Variants in PRICKLE4 observed in about 807,000 individuals in gnomAD.
PRICKLE4 encodes the protein prickle-like protein 4.
Under a neutral mutation model 43.5 loss-of-function variants are expected in PRICKLE4, and 40 were observed. The observed-to-expected ratio is 0.92, with a 90% CI of 0.71 to 1.20. PRICKLE4 has a LOEUF of 1.20. Ranked by LOEUF, PRICKLE4 falls within the 50% of genes most tolerant of loss-of-function variation. The probability of loss-of-function intolerance (pLI) is 0.00; values close to 1 mark genes in which losing one functional copy is unlikely to be tolerated. For missense variants in PRICKLE4, 527 were observed against 491.2 expected (o/e 1.07, Z -0.69); for synonymous variants, 208 against 197.4 (o/e 1.05, Z -0.45).
Position 41,783,617 on chromosome 6 carries a change from G to A in PRICKLE4, c.132+12G>A, listed in dbSNP as rs367616410. 22 of 1,612,974 alleles carry A rather than the reference G, an allele frequency of 1.4e-5. No individual in the cohort carries two copies. The highest frequency in any genetic ancestry group is 8.3e-5 in the Admixed American group (5 of 59,934). On this transcript the variant is annotated intron_variant, in intron 3 of 7. Coordinates refer to ENST00000458694, the MANE Select transcript of PRICKLE4 (RefSeq NM_013397.6). ...ATACCCATGCTCAGGTAGTAGAGTC[G>A]TGCCCTTCCTCTGAGACCAACATGT...
chr6:41,783,443 T>G lies in PRICKLE4; in HGVS notation c.-12-19T>G. On this transcript the variant is annotated intron_variant, in intron 2 of 7. Transcript: ENST00000458694. ...GTAACGGCCTAATACATGGAGGTGT[T>G]CTTATTGTTTTGGGGTAGGCTTTGC... The G allele has an allele frequency of 6.8e-7, 1 of 1,464,380 alleles. No homozygotes were observed. Among genetic ancestry groups the G allele is most frequent in the Non-Finnish European group, 9.4e-7 (1 of 1,068,522 alleles). 90.7% of individuals were successfully genotyped at this position (1,464,380 alleles called of 1,614,324 possible). A position where few individuals can be genotyped will look rare whatever the true frequency, so the allele number is the denominator to read the frequency against.
chr6:41,783,975 C>T (rs1342549), intron 3 of PRICKLE4, 156 bp from the exon 4 acceptor site: 15,707 of 677,112 alleles, frequency 0.023, 343 homozygotes, highest in East Asian at 0.081. Context: ...GCTATCCTTG[C>T]ACTCAGTGAG....
chr6:41,782,383 C>T (rs1303091795), intron 2 of PRICKLE4, among the ~76,000 whole-genome samples: 11 of 70,416 alleles, frequency 1.6e-4, no homozygotes, highest in Admixed American at 2.0e-4. Flanking sequence ...ATGGTCACTT[C>T]TTCTTTTTTT....
chr6:41,786,705 G>T (rs1429490170), intron 7 of PRICKLE4, 57 bp from the exon 8 acceptor site: 1 of 1,609,834 alleles, frequency 6.2e-7, no homozygotes, highest in Middle Eastern at 1.7e-4. Context: ...CACTAGCTGC[G>T]GTGTAGGTCC....
chr6:41,786,339 G>T lies in PRICKLE4; in HGVS notation c.787+7G>T, dbSNP rs567152545. The T allele has an allele frequency of 5.1e-6, 8 of 1,554,972 alleles. No homozygotes were observed. On this transcript the variant is annotated splice_region_variant and intron_variant, in intron 7 of 7. Transcript: ENST00000458694. The stretch of plus-strand genomic sequence containing the variant: ...GAAGGGCAGGCATTCCTTGGTAAGG[G>T]AGAGGATGCAGAGCAAAGCGGGAGG...
chr6:41,785,252 A>T, intron 5 of PRICKLE4, 85 bp from the exon 6 acceptor site: 1 of 1,526,208 alleles, frequency 6.6e-7, no homozygotes, highest in East Asian at 2.3e-5. Context: ...TGGCGAGAAC[A>T]GGTTGGGATC....
rs34342271 is a variant in PRICKLE4 at position 41,785,367 on chromosome 6, G to A, written c.409G>A (p.Gly137Arg). 16 of 1,613,920 alleles carry A rather than the reference G, an allele frequency of 9.9e-6. No homozygotes were observed. Among genetic ancestry groups the A allele is most frequent in the African/African-American group, 1.3e-5 (1 of 74,894 alleles). The stretch of plus-strand genomic sequence containing the variant: ...GGAGCTGCTGAAGCCAGGGGAGTAC[G>A]GAGTGTTTGCAGCCCGGGCAGGGGA... ...CRELLKPGEY[G>R]VFAARAGEQR... Residue 137 changes from glycine to arginine, a missense_variant, in exon 6 of 8, where the codon GGA (glycine) becomes AGA (arginine). Transcript: ENST00000458694.
chr6:41,786,526 C>A, intron 7 of PRICKLE4, 194 bp downstream of exon 7: 1 of 996,674 alleles, frequency 1.0e-6, no homozygotes, highest in Non-Finnish European at 1.5e-6. Flanking sequence ...CCAAGGGCCG[C>A]CCGAACCCAC....
intron 2 of PRICKLE4, among the ~76,000 whole-genome samples, chr6:41,782,050 C>T (rs1772561321): frequency 6.7e-6 from 1 of 148,838 alleles, no homozygotes; most frequent in African/African-American, 2.5e-5. Context: ...CTCATCTCTT[C>T]TCTACATTAA....
Position 41,783,362 on chromosome 6 carries a change from T to C in PRICKLE4, c.-12-100T>C, listed in dbSNP as rs549078796. 271 of 1,220,664 alleles carry C rather than the reference T, an allele frequency of 2.2e-4. 1 individual carries two copies. In the Middle Eastern group the frequency reaches 4.3e-3, roughly 19 times the overall value. The allele number at this position is 1,220,664 out of a possible 1,614,324, so 75.6% of individuals were successfully genotyped here. On this transcript the variant is annotated intron_variant, in intron 2 of 7. Coordinates refer to ENST00000458694, the MANE Select transcript of PRICKLE4 (RefSeq NM_013397.6). The stretch of plus-strand genomic sequence containing the variant: ...TAATGCTACCTAAGTCGTTTGGGTG[T>C]TGGGAGGACTGAGGGAAATAATATC...
chr6:41,781,312 A>G (rs1315833385), intron 1 of PRICKLE4, 38 bp from the exon 2 acceptor site: 1 of 152,682 alleles, frequency 6.5e-6, no homozygotes, highest in African/African-American at 2.4e-5. Context: ...CTGATTTCTG[A>G]GTGTTGTTTC....
Position 41,786,851 on chromosome 6 carries a change from G to T in PRICKLE4, c.877G>T (p.Gly293Cys), listed in dbSNP as rs750762150. The T allele has an allele frequency of 1.6e-5, 26 of 1,602,262 alleles. No individual in the cohort carries two copies. Among genetic ancestry groups the T allele is most frequent in the South Asian group, 7.8e-5 (7 of 89,796 alleles). ...CCGAACACTCCTCGCTGCTGCCGGCGGTTCCAGCCTGCAAACTCAGAGGGG... is the reference window on the plus strand; with the variant it reads ...CCGAACACTCCTCGCTGCTGCCGGCTGTTCCAGCCTGCAAACTCAGAGGGG... ...LSRTLLAAAG[G>C]SSLQTQRGLP... The change falls in exon 8 of 8, where the codon GGT becomes TGT. Residue 293 changes from glycine to cysteine, a missense_variant. Physicochemically the swap from Gly to Cys is radical, Grantham distance 159. Coordinates refer to ENST00000458694, the MANE Select transcript of PRICKLE4 (RefSeq NM_013397.6).
intron 1 of PRICKLE4, 118 bp from the exon 2 acceptor site, chr6:41,781,232 G>A (rs557850390): frequency 1.3e-5 from 2 of 153,006 alleles, no homozygotes; most frequent in East Asian, 3.8e-4. Flanking sequence ...GTTAGTAAGG[G>A]TGTTCCAGTG....
Position 41,786,826 on chromosome 6 carries a change from C to G in PRICKLE4, c.852C>G (p.Ser284=). The change falls in exon 8 of 8, where the codon TCC becomes TCG. Residue 284 remains serine, a synonymous_variant. Coordinates refer to ENST00000458694, the MANE Select transcript of PRICKLE4 (RefSeq NM_013397.6). ...DQTSVNSATL[S]RTLLAAAGGS... ...CCTCGGTGAACTCTGCAACCCTCTCCCGAACACTCCTCGCTGCTGCCGGCG... is the reference window on the plus strand; with the variant it reads ...CCTCGGTGAACTCTGCAACCCTCTCGCGAACACTCCTCGCTGCTGCCGGCG... The G allele has an allele frequency of 6.4e-7, 1 of 1,561,320 alleles. No individual in the cohort carries two copies. The highest frequency in any genetic ancestry group is 1.7e-5 in the African/African-American group (1 of 58,998).
At chr6:41,781,744 G>C (rs1772557332) in intron 2 of PRICKLE4, among the ~76,000 whole-genome samples, 1 of 152,140 alleles carries the variant, frequency 6.6e-6, no homozygotes, top group East Asian at 1.9e-4. Flanking sequence ...CCAGCTCTCA[G>C]AAGCCAGGTC....
chr6:41,785,610 T>A, intron 6 of PRICKLE4, 70 bp downstream of exon 6: 1 of 1,477,650 alleles, frequency 6.8e-7, no homozygotes. Flanking sequence ...AGGGACACTC[T>A]CCTGGGCCAC....
At chr6:41,784,868 C>T in intron 4 of PRICKLE4, 67 bp from the exon 5 acceptor site, 1 of 1,591,780 alleles carries the variant, frequency 6.3e-7, no homozygotes, top group Admixed American at 1.8e-5. Flanking sequence ...AGCCCTTTTT[C>T]CTCCAACCAA....
rs1461819611 is a variant in PRICKLE4 at position 41,784,185 on chromosome 6, A to C, written c.187A>C (p.Asn63His). The C allele has an allele frequency of 6.2e-7, 1 of 1,614,050 alleles. No individual in the cohort carries two copies. The highest frequency in any genetic ancestry group is 1.7e-5 in the Admixed American group (1 of 60,002). The stretch of plus-strand genomic sequence containing the variant: ...TTGCCTGGACACCAACCAAGCCCCC[A>C]ACTGGACTGGACTTCAGACCCTCCT... ...SLCLDTNQAP[N>H]WTGLQTLLQQ... The change falls in exon 4 of 8, where the codon AAC becomes CAC. Residue 63 changes from asparagine to histidine, a missense_variant. By Grantham distance (68) the Asn-to-His change is moderately conservative. Transcript: ENST00000458694.
rs1561896367 is a variant in PRICKLE4, at chr6:41,785,503, C to T, written c.545C>T (p.Ala182Val). The change falls in exon 6 of 8, where the codon GCA (alanine) becomes GTA (valine). Residue 182 changes from alanine to valine, a missense_variant. Ala to Val is a moderately conservative substitution (Grantham distance 64, BLOSUM62 0). Coordinates refer to ENST00000458694, the MANE Select transcript of PRICKLE4 (RefSeq NM_013397.6). Reference sequence around the variant, plus strand: ...CAACTCTACTGCGGCCGTCATCATGCAGAGTTGCTGCGCCCGCGCTGCCCG... The same window carrying T: ...CAACTCTACTGCGGCCGTCATCATGTAGAGTTGCTGCGCCCGCGCTGCCCG... ...DGQLYCGRHHAELLRPRCPAC... is the reference protein window; with the variant it reads ...DGQLYCGRHHVELLRPRCPAC... 1 of 1,613,878 alleles carries T rather than the reference C, an allele frequency of 6.2e-7. No homozygotes were observed. Among genetic ancestry groups the T allele is most frequent in the Non-Finnish European group, 8.5e-7 (1 of 1,180,038 alleles).
Sources: gnomAD v4.1 joint callset for allele counts (sites outside exome capture counted in the v4.1 genomes callset) on GRCh38, gnomAD v4.1.1 for gene constraint, MANE v1.5 for transcripts, NCBI Gene and HGNC (gene_info 2026-07-23, HGNC 2026-07-21) for gene names.